ACP3: variants seen among roughly 807,000 people sequenced by gnomAD.
ACP3 encodes the protein acid phosphatase 3.
In ACP3, 38 loss-of-function variants were observed where a neutral mutation model predicts 45.6. The observed-to-expected ratio is 0.83, with a 90% CI of 0.64 to 1.09. The LOEUF (loss-of-function observed/expected upper bound fraction) is 1.09. Ranked by LOEUF, ACP3 falls within the 50% of genes least tolerant of loss-of-function variation. The pLI, the probability that ACP3 is intolerant of heterozygous loss-of-function variation, is 0.00. For synonymous variants in ACP3, 162 were observed against 164.7 expected (o/e 0.98, Z 0.13); for missense variants, 466 against 463.2 (o/e 1.01, Z -0.05).
chr3:132,357,417 A>G lies in ACP3; in HGVS notation c.*539A>G, dbSNP rs1359348506. On this transcript the variant is annotated 3_prime_UTR_variant, in exon 10 of 10. Coordinates refer to ENST00000336375, the MANE Select transcript of ACP3 (RefSeq NM_001099.5). The stretch of plus-strand genomic sequence containing the variant: ...CAAAGAAAGGAGATACAGTGGAGAC[A>G]TCTGGAAAGTTTTCTCCACTGGAAA... 9.1e-6 allele frequency: 9 copies of G among 985,290 alleles called. No individual in the cohort carries two copies. The highest frequency in any genetic ancestry group is 8.4e-6 in the Non-Finnish European group (7 of 829,914). The allele number at this position is 985,290 out of a possible 1,614,324, so 61.0% of individuals were successfully genotyped here.
intron 5 of ACP3, among the ~76,000 whole-genome samples, chr3:132,339,298 C>T (rs963936503): frequency 2.6e-5 from 4 of 152,214 alleles, no homozygotes; most frequent in Admixed American, 1.3e-4. Context: ...CCAATCAACA[C>T]AGACAGAAGA....
chr3:132,356,464 T>C (rs776235411), intron 9 of ACP3, among the ~76,000 whole-genome samples: 1 of 152,146 alleles, frequency 6.6e-6, no homozygotes, highest in Non-Finnish European at 1.5e-5. Context: ...CTACCTCCTA[T>C]GTCCCTGTTC....
chr3:132,357,128 T>C lies in ACP3; in HGVS notation c.*250T>C. The stretch of plus-strand genomic sequence containing the variant: ...ATGTAAAGGGGCAGCAGTGCCAAAA[T>C]ATAATCAGAGATAAAGCTTAGGTCA... On this transcript the variant is annotated 3_prime_UTR_variant, in exon 10 of 10. Transcript: ENST00000336375. 8.4e-7 allele frequency: 1 copy of C among 1,194,590 alleles called. No individual in the cohort carries two copies. The highest frequency in any genetic ancestry group is 2.5e-5 in the South Asian group (1 of 40,156). The allele number at this position is 1,194,590 out of a possible 1,614,324, so 74.0% of individuals were successfully genotyped here.
rs759075647 is a variant in ACP3 at position 132,350,007 on chromosome 3, G to C, written c.864+5G>C. The C allele has an allele frequency of 6.4e-7, 1 of 1,572,730 alleles. No homozygotes were observed. The highest frequency in any genetic ancestry group is 1.1e-5 in the South Asian group (1 of 90,150). ...AAACTCATCATGTATTCTGCGGTAA[G>C]TATTTTCATCTTCATTTAACATATG... On this transcript the variant is annotated splice_donor_5th_base_variant and intron_variant, in intron 8 of 9. Transcript: ENST00000336375.
intron 1 of ACP3, 113 bp from the exon 2 acceptor site, chr3:132,328,154 A>G (rs1937332363): frequency 8.4e-6 from 6 of 717,206 alleles, no homozygotes; most frequent in South Asian, 8.0e-5. Context: ...CGTGATTACA[A>G]TGGGAAGCCA....
At chr3:132,321,938 G>A (rs996865221) in intron 1 of ACP3, among the ~76,000 whole-genome samples, 1 of 152,068 alleles carries the variant, frequency 6.6e-6, no homozygotes, top group Non-Finnish European at 1.5e-5. Context: ...CATCCGGTGT[G>A]CTCGGTATTA....
At chr3:132,342,054 C>T (rs768416001) in intron 5 of ACP3, among the ~76,000 whole-genome samples, 4 of 152,162 alleles carry the variant, frequency 2.6e-5, no homozygotes, top group African/African-American at 4.8e-5. Flanking sequence ...GATGCTTTGG[C>T]CTGAAATATG....
intron 7 of ACP3, among the ~76,000 whole-genome samples, chr3:132,348,220 T>C (rs1937638859): frequency 2.6e-5 from 4 of 152,354 alleles, no homozygotes; most frequent in South Asian, 2.1e-4. Context: ...AGGTCAATGA[T>C]ATTTTTGTCT....
chr3:132,364,464 T>A (rs976373748), intron 10 of ACP3, among the ~76,000 whole-genome samples: 1 of 152,260 alleles, frequency 6.6e-6, no homozygotes, highest in African/African-American at 2.4e-5. Flanking sequence ...AAACATGCCC[T>A]TGTGAAACTC....
At chr3:132,330,821 C>T (rs1937386699) in intron 2 of ACP3, among the ~76,000 whole-genome samples, 1 of 152,186 alleles carries the variant, frequency 6.6e-6, no homozygotes, top group Non-Finnish European at 1.5e-5. Context: ...TGGTGCTCTA[C>T]TACATGCATC....
downstream of ACP3, among the ~76,000 whole-genome samples, chr3:132,359,564 G>T (rs1011868209): frequency 2.6e-5 from 4 of 151,918 alleles, no homozygotes; most frequent in Admixed American, 1.3e-4. Flanking sequence ...CCCTACTCTT[G>T]TCTATCTTGA....
At chr3:132,330,618 A>G (rs1442088713) in intron 2 of ACP3, among the ~76,000 whole-genome samples, 1 of 152,168 alleles carries the variant, frequency 6.6e-6, no homozygotes, top group Non-Finnish European at 1.5e-5. Flanking sequence ...GTCACGGTAT[A>G]TTATTCCTTT....
Position 132,357,091 on chromosome 3 carries a change from T to C in ACP3, c.*213T>C. ...AAAACTTAGCTAAGTTTTGTTTTGT[T>C]TTTCAGCGTTAATGTAAAGGGGCAG... is the stretch of plus-strand genomic sequence containing the variant. On this transcript the variant is annotated 3_prime_UTR_variant, in exon 10 of 10. Coordinates refer to ENST00000336375, the MANE Select transcript of ACP3 (RefSeq NM_001099.5). 1 of 1,297,284 alleles carries C rather than the reference T, an allele frequency of 7.7e-7. No individual in the cohort carries two copies. Among genetic ancestry groups the C allele is most frequent in the Non-Finnish European group, 9.8e-7 (1 of 1,021,074 alleles). 80.4% of individuals were successfully genotyped at this position (1,297,284 alleles called of 1,614,324 possible). A position where few individuals can be genotyped will look rare whatever the true frequency, so the allele number is the denominator to read the frequency against.
At chr3:132,326,109 A>G (rs1937294048) in intron 1 of ACP3, among the ~76,000 whole-genome samples, 1 of 152,104 alleles carries the variant, frequency 6.6e-6, no homozygotes, top group Non-Finnish European at 1.5e-5. Flanking sequence ...ATGGCAGAAA[A>G]TGTGCCTTTT....
At chr3:132,361,893 G>A (rs1392188990), downstream of ACP3, among the ~76,000 whole-genome samples, 1 of 152,010 alleles carries the variant, frequency 6.6e-6, no homozygotes, top group East Asian at 1.9e-4. Context: ...AGGACCCCAG[G>A]GAATCTCTTG....
At chr3:132,360,209 G>A (rs1052572200), downstream of ACP3, among the ~76,000 whole-genome samples, 7 of 151,854 alleles carry the variant, frequency 4.6e-5, no homozygotes, top group African/African-American at 1.7e-4. Context: ...GATTGTAGGG[G>A]TTGAGTGGCT....
At chr3:132,366,875 TTAA>T (rs1272181124) in intron 10 of ACP3, among the ~76,000 whole-genome samples, 3 of 152,194 alleles carry the variant, frequency 2.0e-5, no homozygotes, top group Non-Finnish European at 4.4e-5. Flanking sequence ...CCTCATTCTC[TTAA>T]TGATAATGTC....
chr3:132,358,534 G>A lies in ACP3; in HGVS notation c.*1656G>A. 1 of 1,180,202 alleles carries A rather than the reference G, an allele frequency of 8.5e-7. No homozygotes were observed. Among genetic ancestry groups the A allele is most frequent in the South Asian group, 1.6e-5 (1 of 62,144 alleles). The allele number at this position is 1,180,202 out of a possible 1,614,324, so 73.1% of individuals were successfully genotyped here. A position where few individuals can be genotyped will look rare whatever the true frequency, so the allele number is the denominator to read the frequency against. On this transcript the variant is annotated 3_prime_UTR_variant, in exon 10 of 10. Coordinates refer to ENST00000336375, the MANE Select transcript of ACP3 (RefSeq NM_001099.5). The stretch of plus-strand genomic sequence containing the variant: ...TACCATTATGGATAAAGATGAGATG[G>A]TTTCTAGAGATGGTTTCTACTGGCT...
Position 132,349,956 on chromosome 3 carries a change from G to A in ACP3, c.818G>A (p.Arg273Lys), listed in dbSNP as rs1269179298. ...AATGAAATCCTCAATCACATGAAGA[G>A]AGCAACTCAGATACCAAGCTACAAA... ...LVNEILNHMK[R>K]ATQIPSYKKL... Residue 273 changes from arginine to lysine, a missense_variant, in exon 8 of 10, where the codon AGA (arginine) becomes AAA (lysine). Transcript: ENST00000336375. 2 of 1,613,016 alleles carry A rather than the reference G, an allele frequency of 1.2e-6. No individual in the cohort carries two copies. Among genetic ancestry groups the A allele is most frequent in the South Asian group, 1.1e-5 (1 of 91,054 alleles).
Sources: allele counts gnomAD v4.1 joint callset (sites outside exome capture counted in the v4.1 genomes callset), GRCh38; gene constraint gnomAD v4.1.1; transcripts MANE v1.5; gene names NCBI Gene and HGNC (gene_info 2026-07-23, HGNC 2026-07-21).